The following C18orf54 variants were observed in gnomAD, a reference collection of about 807,000 sequenced individuals.
C18orf54 encodes lung adenoma susceptibility protein 2.
A neutral mutation model predicts 49.3 loss-of-function variants in C18orf54; 49 were observed. That is an observed-to-expected ratio of 0.99 (90% confidence interval 0.79 to 1.26). The LOEUF is 1.26. C18orf54 is among the 50% of genes most tolerant of loss of function. C18orf54 has a pLI of 0.00. For missense variants in C18orf54, 687 were observed against 620.6 expected (o/e 1.11, Z -1.14); for synonymous variants, 211 against 216.6 (o/e 0.97, Z 0.23).
At chr18:54,369,422 G>T (rs2089444150) in intron 6 of C18orf54, among the ~76,000 whole-genome samples, 1 of 143,774 alleles carries the variant, frequency 7.0e-6, no homozygotes, top group African/African-American at 2.6e-5. Flanking sequence ...CCATATTCCT[G>T]TAATTAACAA....
rs1406551976 is a variant in C18orf54 at position 54,380,598 on chromosome 18, C to T, written c.*2352C>T. 2.0e-5 allele frequency: 3 copies of T among 151,980 alleles called. No individual in the cohort carries two copies. Among genetic ancestry groups the T allele is most frequent in the Non-Finnish European group, 4.4e-5 (3 of 67,942 alleles). The allele number at this position is 151,980 out of a possible 1,614,324, so 9.4% of individuals were successfully genotyped here. ...TTTCAGCTTCATAGAGATTTCTGAG[C>T]AAATTAAGAAACACTGTTTTCCTGG... On this transcript the variant is annotated 3_prime_UTR_variant, in exon 9 of 9. Transcript: ENST00000620105.
At chr18:54,377,532 C>T (rs1181863194) in intron 8 of C18orf54, among the ~76,000 whole-genome samples, 2 of 152,074 alleles carry the variant, frequency 1.3e-5, no homozygotes, top group African/African-American at 4.8e-5. Context: ...AGTTAAGGGC[C>T]TCTTTTCCTG....
chr18:54,379,322 T>C lies in C18orf54; in HGVS notation c.*1076T>C, dbSNP rs2089627959. The C allele has an allele frequency of 6.6e-6, 1 of 152,120 alleles. No individual in the cohort carries two copies. The highest frequency in any genetic ancestry group is 2.4e-5 in the African/African-American group (1 of 41,458). The allele number at this position is 152,120 out of a possible 1,614,324, so 9.4% of individuals were successfully genotyped here. On this transcript the variant is annotated 3_prime_UTR_variant, in exon 9 of 9. Coordinates refer to ENST00000620105, the MANE Select transcript of C18orf54 (RefSeq NM_001288980.2). ...ACAAAATTAAAGAGTACTGTGTGTA[T>C]GTATAACTACTACAGGTTAACACTT...
intron 6 of C18orf54, among the ~76,000 whole-genome samples, chr18:54,370,276 C>CAAAAAAA: frequency 1.1e-5 from 1 of 87,374 alleles, no homozygotes; most frequent in South Asian, 3.7e-4. Flanking sequence ...GACTCTGTCT[C>CAAAAAAA]AAAAAAAAAA....
intron 2 of C18orf54, among the ~76,000 whole-genome samples, chr18:54,360,084 TA>T (rs2089232885): frequency 6.6e-6 from 1 of 152,194 alleles, no homozygotes; most frequent in Non-Finnish European, 1.5e-5. Context: ...TTGATGGCTT[TA>T]AAAAATTTAT....
Position 54,379,609 on chromosome 18 carries a change from A to G in C18orf54, c.*1363A>G, listed in dbSNP as rs533770986. The G allele has an allele frequency of 6.7e-6, 1 of 150,292 alleles. No homozygotes were observed. Among genetic ancestry groups the G allele is most frequent in the African/African-American group, 2.5e-5 (1 of 40,782 alleles). The allele number at this position is 150,292 out of a possible 1,614,324, so 9.3% of individuals were successfully genotyped here. ...TTTATTCTATGGAGATGTTTTTACC[A>G]CTGACACTGTTTTCTGATTATAGTC... On this transcript the variant is annotated 3_prime_UTR_variant, in exon 9 of 9. Coordinates refer to ENST00000620105, the MANE Select transcript of C18orf54 (RefSeq NM_001288980.2).
chr18:54,360,106 TATC>T (rs1472390307), intron 2 of C18orf54, among the ~76,000 whole-genome samples: 1 of 152,168 alleles, frequency 6.6e-6, no homozygotes, highest in Non-Finnish European at 1.5e-5. Flanking sequence ...TGAGCGCTAT[TATC>T]TGCAGCACAT....
chr18:54,368,792 T>C (rs984225516), intron 6 of C18orf54, among the ~76,000 whole-genome samples: 2 of 152,178 alleles, frequency 1.3e-5, no homozygotes, highest in African/African-American at 4.8e-5. Flanking sequence ...TTTTCTATAT[T>C]TATTAACTGA....
chr18:54,379,910 G>T lies in C18orf54; in HGVS notation c.*1664G>T, dbSNP rs916470859. Reference sequence around the variant, plus strand: ...TGACTGAAAAGCACCTATTCGGTTAGTGCTCCTATTCATGAGAACATATCT... The same window carrying T: ...TGACTGAAAAGCACCTATTCGGTTATTGCTCCTATTCATGAGAACATATCT... On this transcript the variant is annotated 3_prime_UTR_variant, in exon 9 of 9. Transcript: ENST00000620105. 7.9e-5 allele frequency: 12 copies of T among 151,988 alleles called. No individual in the cohort carries two copies. The highest frequency in any genetic ancestry group is 1.5e-4 in the Non-Finnish European group (10 of 67,928). 9.4% of individuals were successfully genotyped at this position (151,988 alleles called of 1,614,324 possible). A position where few individuals can be genotyped will look rare whatever the true frequency, so the allele number is the denominator to read the frequency against.
Position 54,362,799 on chromosome 18 carries a change from G to A in C18orf54, c.1101G>A (p.Lys367=). ...ACAAAATTGAATTGCTTATCTTGAA[G>A]GCCAAGAGAAATCTAGAGCAGTGTA... is the stretch of plus-strand genomic sequence containing the variant. ...SGDKIELLIL[K]AKRNLEQCTE... The change falls in exon 5 of 9, where the codon AAG becomes AAA. Residue 367 remains lysine, a synonymous_variant. Transcript: ENST00000620105. The A allele has an allele frequency of 6.2e-7, 1 of 1,607,862 alleles. No homozygotes were observed.
intron 4 of C18orf54, 70 bp downstream of exon 4, chr18:54,362,501 T>G: frequency 7.8e-7 from 1 of 1,284,986 alleles, no homozygotes; most frequent in Non-Finnish European, 1.0e-6. Context: ...TGCTGTAAAG[T>G]TGATGTGATA....
intron 3 of C18orf54, among the ~76,000 whole-genome samples, chr18:54,361,123 T>G (rs370712699): frequency 1.5e-4 from 23 of 152,346 alleles, no homozygotes; most frequent in African/African-American, 4.3e-4. Context: ...CTACTTTACT[T>G]AACACTTGCA....
intron 6 of C18orf54, among the ~76,000 whole-genome samples, chr18:54,368,283 T>C (rs7242250): frequency 0.74 from 113,091 of 151,886 alleles, 42,524 homozygotes; most frequent in African/African-American, 0.86. Context: ...GTTGGTATCT[T>C]GGCATCTTTC....
chr18:54,363,038 GCTTT>G (rs1252801459), intron 5 of C18orf54, 117 bp downstream of exon 5: 32 of 1,015,116 alleles, frequency 3.2e-5, no homozygotes, highest in Non-Finnish European at 4.2e-6. Context: ...ATAGAACATA[GCTTT>G]GTGTTACTTG....
In C18orf54 at chr18:54,362,811, T is replaced by C. The variant is rs780006933; in HGVS notation, c.1113T>C (p.Asn371=). The C allele has an allele frequency of 6.2e-7, 1 of 1,610,004 alleles. No individual in the cohort carries two copies. Among genetic ancestry groups the C allele is most frequent in the African/African-American group, 1.3e-5 (1 of 74,748 alleles). ...IELLILKAKR[N]LEQCTEELPK... ...TGCTTATCTTGAAGGCCAAGAGAAATCTAGAGCAGTGTACTGAAGAATTAC... is the reference window on the plus strand; with the variant it reads ...TGCTTATCTTGAAGGCCAAGAGAAACCTAGAGCAGTGTACTGAAGAATTAC... Residue 371 remains asparagine, a synonymous_variant, in exon 5 of 9, where the codon AAT becomes AAC. Transcript: ENST00000620105.
intron 4 of C18orf54, 93 bp downstream of exon 4, chr18:54,362,524 T>A: frequency 8.7e-7 from 1 of 1,148,362 alleles, no homozygotes; most frequent in Non-Finnish European, 1.2e-6. Context: ...TGGGAGCTTT[T>A]ATGTTTTGTT....
Position 54,362,052 on chromosome 18 carries a change from C to T in C18orf54, c.693C>T (p.His231=). 1.9e-6 allele frequency: 3 copies of T among 1,563,034 alleles called. No homozygotes were observed. The highest frequency in any genetic ancestry group is 2.6e-6 in the Non-Finnish European group (3 of 1,155,282). Residue 231 remains histidine (H), a synonymous_variant, in exon 4 of 9, where the codon CAC becomes CAT. Transcript: ENST00000620105. ...KKSSFKDSSE[H]SLEKNYPRWL... is the part of the protein sequence containing the mutation. ...CGTCTTTCAAGGACAGTTCAGAACACAGTCTTGAAAAGAATTACCCAAGAT... is the reference window on the plus strand; with the variant it reads ...CGTCTTTCAAGGACAGTTCAGAACATAGTCTTGAAAAGAATTACCCAAGAT...
intron 6 of C18orf54, among the ~76,000 whole-genome samples, chr18:54,371,229 G>T (rs148151573): frequency 1.5e-4 from 23 of 152,158 alleles, no homozygotes; most frequent in African/African-American, 4.3e-4. Flanking sequence ...CCTCGTGTAA[G>T]AAGAATCATA....
rs560884819 is a variant in C18orf54, at chr18:54,371,069, G to A, written c.1327-1397G>A. 3.3e-5 allele frequency among the ~76,000 whole-genome samples: 5 copies of A among 151,832 alleles called. No homozygotes were observed. In the East Asian group the frequency reaches 9.7e-4, roughly 29 times the overall value. ...GGCATTAAGTACCTTCACATTGTGT[G>A]TAGCTATCACCATCGTCCATCACCA... is the stretch of plus-strand genomic sequence containing the variant. On this transcript the variant is annotated intron_variant, in intron 6 of 8. Coordinates refer to ENST00000620105, the MANE Select transcript of C18orf54 (RefSeq NM_001288980.2).
Sources: gnomAD v4.1 joint callset for allele counts (sites outside exome capture counted in the v4.1 genomes callset) on GRCh38, gnomAD v4.1.1 for gene constraint, MANE v1.5 for transcripts, NCBI Gene and HGNC (gene_info 2026-07-23, HGNC 2026-07-21) for gene names.